The following BCAS3 variants were observed in gnomAD, a reference collection of about 807,000 sequenced individuals.
BCAS3 encodes BCAS4/BCAS3 fusion.
A neutral mutation model predicts 116.1 loss-of-function variants in BCAS3; 53 were observed. That is an observed-to-expected ratio of 0.46 (90% CI 0.37 to 0.57). The LOEUF (loss-of-function observed/expected upper bound fraction) is 0.57. Among genes scored for constraint, BCAS3 ranks in the 20% least tolerant of loss-of-function variants. BCAS3 has a pLI of 0.00. For missense variants in BCAS3, 917 were observed against 1,165.4 expected (o/e 0.79, Z 3.10); for synonymous variants, 391 against 408.2 (o/e 0.96, Z 0.51).
chr17:61,369,018 C>T (rs1389701082), intron 23 of BCAS3, among the ~76,000 whole-genome samples: 1 of 152,124 alleles, frequency 6.6e-6, no homozygotes, highest in Non-Finnish European at 1.5e-5. Flanking sequence ...TCCTGCATCC[C>T]AGAGCAATCA....
intron 3 of BCAS3, among the ~76,000 whole-genome samples, chr17:60,685,741 G>A (rs187952186): frequency 6.6e-6 from 1 of 152,272 alleles, no homozygotes; most frequent in Non-Finnish European, 1.5e-5. Flanking sequence ...GTGTACAATC[G>A]TAGTCGAAAT....
Position 61,083,597 on chromosome 17 carries a change from C to CTT in BCAS3, c.2328-855_2328-854dup, listed in dbSNP as rs778684833. ...ATTTGGCATTTATATGTTTATTATT[C>CTT]TTTTTTTTTTTTTTTTGAGACGGAG... On this transcript the variant is annotated intron_variant, in intron 21 of 23. Coordinates refer to ENST00000407086, the MANE Select transcript of BCAS3 (RefSeq NM_017679.5). This position sits in a 1 kb window ranked among gnomAD's most constrained non-coding sequence, Gnocchi z 4.9. Among the ~76,000 whole-genome samples the CTT allele has an allele frequency of 2.2e-5, 3 of 136,682 alleles. No individual in the cohort carries two copies. Among genetic ancestry groups the CTT allele is most frequent in the Non-Finnish European group, 4.8e-5 (3 of 62,948 alleles). The allele number at this position is 136,682 out of a possible 152,430, so 89.7% of individuals were successfully genotyped here. A position where few individuals can be genotyped will look rare whatever the true frequency, so the allele number is the denominator to read the frequency against.
intron 22 of BCAS3, among the ~76,000 whole-genome samples, chr17:61,187,462 G>T (rs992592296): frequency 6.6e-6 from 1 of 152,186 alleles, no homozygotes; most frequent in African/African-American, 2.4e-5. Context: ...TTAGTTTATA[G>T]TCTATACTTA....
At chr17:61,318,342 C>T (rs778980119) in intron 22 of BCAS3, among the ~76,000 whole-genome samples, 2 of 152,228 alleles carry the variant, frequency 1.3e-5, no homozygotes, top group Non-Finnish European at 2.9e-5. Context: ...TTCTCAGGCT[C>T]CAGAATCTGC....
rs1475510469 is a variant in BCAS3 at position 61,261,247 on chromosome 17, ACT to A, written c.2426-107079_2426-107078del. 6.6e-6 allele frequency among the ~76,000 whole-genome samples: 1 copy of A among 152,198 alleles called. No homozygotes were observed. The highest frequency in any genetic ancestry group is 1.5e-5 in the Non-Finnish European group (1 of 68,034). On this transcript the variant is annotated intron_variant, in intron 22 of 23. Coordinates refer to ENST00000407086, the MANE Select transcript of BCAS3 (RefSeq NM_017679.5). This position sits in a 1 kb window ranked among gnomAD's most constrained non-coding sequence, Gnocchi z 4.4. ...GAAGGTTTGATGGCAGTTATTAAAC[ACT>A]GATTCAAGAATATGTTTAGAGGAGC...
At position 61,380,231 on chromosome 17, in the gene BCAS3, C is replaced by T. The variant is rs775132121; in HGVS notation, c.2593+11737C>T. The T allele has an allele frequency of 4.9e-5, 22 of 446,964 alleles. No individual in the cohort carries two copies. The highest frequency in any genetic ancestry group is 8.9e-5 in the Non-Finnish European group (22 of 247,244). 27.7% of individuals were successfully genotyped at this position (446,964 alleles called of 1,614,324 possible). On this transcript the variant is annotated intron_variant, in intron 23 of 23. Coordinates refer to ENST00000407086, the MANE Select transcript of BCAS3 (RefSeq NM_017679.5). This position sits in a 1 kb window ranked among gnomAD's most constrained non-coding sequence, Gnocchi z 4.2. ...GCCGGCTTTCTCTCTACATCATTCC[C>T]TACCCCAGCCCTGTGCAGCAGGCAG... is the stretch of plus-strand genomic sequence containing the variant.
chr17:61,110,943 G>A (rs1449498840), intron 22 of BCAS3, among the ~76,000 whole-genome samples: 1 of 152,100 alleles, frequency 6.6e-6, no homozygotes, highest in Non-Finnish European at 1.5e-5. Flanking sequence ...CCCCTCAGCA[G>A]CCTAACTGGG....
chr17:61,301,351 C>T (rs1201372736), intron 22 of BCAS3, among the ~76,000 whole-genome samples: 5 of 152,242 alleles, frequency 3.3e-5, no homozygotes, highest in Admixed American at 2.6e-4. Flanking sequence ...AGACTGATTT[C>T]GGCCGGGCAC....
At chr17:60,721,066 T>C (rs980119610) in intron 5 of BCAS3, among the ~76,000 whole-genome samples, 28 of 152,166 alleles carry the variant, frequency 1.8e-4, no homozygotes, top group African/African-American at 6.5e-4. Flanking sequence ...AGGGCATTCT[T>C]GAGGTAAATG....
At chr17:61,166,441 A>G (rs1406394246) in intron 22 of BCAS3, among the ~76,000 whole-genome samples, 3 of 112,982 alleles carry the variant, frequency 2.7e-5, no homozygotes, top group African/African-American at 3.6e-5. Flanking sequence ...TCTGTTTCCC[A>G]GGCTGAAATG....
At chr17:60,940,839 A>G (rs1006260027) in intron 13 of BCAS3, among the ~76,000 whole-genome samples, 1 of 152,226 alleles carries the variant, frequency 6.6e-6, no homozygotes, top group African/African-American at 2.4e-5. Flanking sequence ...TGTATATGAT[A>G]AAGAACCATA....
chr17:60,744,087 A>T (rs971542282), intron 5 of BCAS3, among the ~76,000 whole-genome samples: 8 of 152,206 alleles, frequency 5.3e-5, no homozygotes, highest in African/African-American at 1.9e-4. Flanking sequence ...GGCAGAGACC[A>T]TGAGGAGCTG....
chr17:60,686,783 C>T (rs937419902), intron 3 of BCAS3, among the ~76,000 whole-genome samples: 4 of 152,208 alleles, frequency 2.6e-5, no homozygotes, highest in African/African-American at 9.6e-5. Flanking sequence ...GCCTTGGCCT[C>T]GCAAAGTTCT....
At chr17:60,919,385 G>T (rs976486922) in intron 12 of BCAS3, among the ~76,000 whole-genome samples, 1 of 152,122 alleles carries the variant, frequency 6.6e-6, no homozygotes, top group Non-Finnish European at 1.5e-5. Flanking sequence ...TGGTGCAGTG[G>T]TGCGATCTCA....
chr17:61,309,203 C>T lies in BCAS3; in HGVS notation c.2426-59124C>T, dbSNP rs549780441. On this transcript the variant is annotated intron_variant, in intron 22 of 23. Transcript: ENST00000407086. The surrounding 1 kb of genome is among the most constrained non-coding windows in gnomAD (Gnocchi z 4.6). ...AAGAACGTTAGCTCATGTGAGGATA[C>T]GTATAAGGGAATTAGATAACTCTCT... Among the ~76,000 whole-genome samples the T allele has an allele frequency of 2.4e-4, 37 of 152,270 alleles. No individual in the cohort carries two copies. Among genetic ancestry groups the T allele is most frequent in the African/African-American group, 8.7e-4 (36 of 41,512 alleles).
In BCAS3 at chr17:61,249,558, G is replaced by A. The variant is rs1344919408; in HGVS notation, c.2426-118769G>A. Among the ~76,000 whole-genome samples the A allele has an allele frequency of 6.6e-6, 1 of 152,142 alleles. No homozygotes were observed. ...GACTCTAGTGTCCCAACATAGAATT[G>A]TGTCTCTGGCTGAAGAAATAGTTTG... On this transcript the variant is annotated intron_variant, in intron 22 of 23. Coordinates refer to ENST00000407086, the MANE Select transcript of BCAS3 (RefSeq NM_017679.5). This position sits in a 1 kb window ranked among gnomAD's most constrained non-coding sequence, Gnocchi z 6.2.
chr17:60,702,138 G>A (rs181719576), intron 4 of BCAS3, among the ~76,000 whole-genome samples: 83 of 152,242 alleles, frequency 5.5e-4, no homozygotes, highest in African/African-American at 1.9e-3. Context: ...TCATGTAAAC[G>A]TATAGATGTA....
Position 61,278,796 on chromosome 17 carries a change from G to C in BCAS3, c.2426-89531G>C, listed in dbSNP as rs1177778307. ...ATCTATAGAGACAGAAAGTAGATTA[G>C]TAGTGGTTTCCTAGGACTTGGGGAT... On this transcript the variant is annotated intron_variant, in intron 22 of 23. Transcript: ENST00000407086. The surrounding 1 kb of genome is among the most constrained non-coding windows in gnomAD (Gnocchi z 5.8). Among the ~76,000 whole-genome samples the C allele has an allele frequency of 6.6e-6, 1 of 152,196 alleles. No individual in the cohort carries two copies. The highest frequency in any genetic ancestry group is 1.5e-5 in the Non-Finnish European group (1 of 68,042).
At chr17:60,737,422 T>C (rs1392392226) in intron 5 of BCAS3, among the ~76,000 whole-genome samples, 1 of 152,218 alleles carries the variant, frequency 6.6e-6, no homozygotes, top group African/African-American at 2.4e-5. Context: ...TTATTTATTT[T>C]CTTCCACTTA....
Sources: allele counts gnomAD v4.1 joint callset (sites outside exome capture counted in the v4.1 genomes callset), GRCh38; gene constraint gnomAD v4.1.1; non-coding constraint Gnocchi (gnomAD v3.1); transcripts MANE v1.5; gene names NCBI Gene and HGNC (gene_info 2026-07-23, HGNC 2026-07-21).